MS4A4A: variants seen among roughly 807,000 people sequenced by gnomAD.
MS4A4A encodes the protein membrane spanning 4-domains A4A, also known as membrane-spanning 4-domains subfamily A member 4A.
A neutral mutation model predicts 28.0 loss-of-function variants in MS4A4A; 26 were observed. The observed-to-expected ratio is 0.93, with a 90% CI of 0.68 to 1.29. MS4A4A has a LOEUF of 1.29. Ranked by LOEUF, MS4A4A falls within the 50% of genes most tolerant of loss-of-function variation. The pLI, the probability that MS4A4A is intolerant of heterozygous loss-of-function variation, is 0.00. For synonymous variants in MS4A4A, 86 were observed against 100.8 expected, an observed-to-expected ratio of 0.85 and a Z score of 0.88; for missense variants, 290 against 293.1, an observed-to-expected ratio of 0.99 and a Z score of 0.08.
chr11:60,306,179 T>G lies in MS4A4A; in HGVS notation c.626T>G (p.Val209Gly). ...TCCCTCTCTGCCTTTGGATGTAAAG[T>G]GCTCTGTTGTACCCCTGGTGGGGTG... ...AVSLSAFGCK[V>G]LCCTPGGVVL... Residue 209 changes from valine to glycine, a missense_variant, in exon 6 of 7, where the codon GTG (valine) becomes GGG (glycine). Transcript: ENST00000337908. 6.2e-7 allele frequency: 1 copy of G among 1,613,958 alleles called. No individual in the cohort carries two copies. The highest frequency in any genetic ancestry group is 8.5e-7 in the Non-Finnish European group (1 of 1,179,776).
At chr11:60,293,246 C>A (rs923606492) in intron 2 of MS4A4A, among the ~76,000 whole-genome samples, 1 of 152,012 alleles carries the variant, frequency 6.6e-6, no homozygotes, top group East Asian at 1.9e-4. Flanking sequence ...TTAGTAGAGA[C>A]GGGGTTTCAG....
intron 3 of MS4A4A, among the ~76,000 whole-genome samples, chr11:60,298,443 C>G (rs941785214): frequency 9.2e-5 from 14 of 152,186 alleles, no homozygotes; most frequent in African/African-American, 3.4e-4. Context: ...ATGCCAATAA[C>G]AGCTCTTATT....
In MS4A4A at chr11:60,302,701, C is replaced by G. The variant is rs1342685455; in HGVS notation, c.530C>G (p.Thr177Ser). 1.2e-6 allele frequency: 2 copies of G among 1,613,780 alleles called. No individual in the cohort carries two copies. The highest frequency in any genetic ancestry group is 1.7e-6 in the Non-Finnish European group (2 of 1,179,688). The change falls in exon 5 of 7, where the codon ACT (threonine) becomes AGT (serine). Residue 177 changes from threonine to serine, a missense_variant. Physicochemically the swap from Thr to Ser is moderately conservative, Grantham distance 58 (BLOSUM62 1). Coordinates refer to ENST00000337908, the MANE Select transcript of MS4A4A (RefSeq NM_148975.3). ...YYGNSNNCHG[T>S]MSILMGLDGM... Reference sequence around the variant, plus strand: ...GGCAACTCAAATAATTGTCATGGGACTATGTCCATCTTAATGGTTGGTACT... The same window carrying G: ...GGCAACTCAAATAATTGTCATGGGAGTATGTCCATCTTAATGGTTGGTACT...
rs760648433 is a variant in MS4A4A at position 60,300,615 on chromosome 11, C to CAAAAAAAAAA, written c.331-367_331-358dup. 4.7e-3 allele frequency among the ~76,000 whole-genome samples: 169 copies of CAAAAAAAAAA among 35,954 alleles called. 4 individuals carry two copies. The highest frequency in any genetic ancestry group is 7.1e-3 in the African/African-American group (68 of 9,542). 23.6% of individuals were successfully genotyped at this position (35,954 alleles called of 152,430 possible). On this transcript the variant is annotated intron_variant, in intron 3 of 6. Coordinates refer to ENST00000337908, the MANE Select transcript of MS4A4A (RefSeq NM_148975.3). ...TGGGCGACAGAGCGAGACTCCGTCT[C>CAAAAAAAAAA]AAAAAAAAAAAAAAAAAAAAAAAAA... is the stretch of plus-strand genomic sequence containing the variant.
chr11:60,292,494 A>G, intron 2 of MS4A4A, 110 bp downstream of exon 2: 3 of 1,107,080 alleles, frequency 2.7e-6, no homozygotes, highest in Middle Eastern at 2.1e-4. Context: ...GCCAACCCTC[A>G]CGACGTCAGT....
At chr11:60,304,822 C>T (rs1382067522) in intron 5 of MS4A4A, among the ~76,000 whole-genome samples, 1 of 152,230 alleles carries the variant, frequency 6.6e-6, no homozygotes, top group Non-Finnish European at 1.5e-5. Context: ...TTCTAGTCTA[C>T]ACTTCTAGAT....
rs148342788 is a variant in MS4A4A at position 60,281,090 on chromosome 11, T to G, written c.41+374T>G. Among the ~76,000 whole-genome samples, 44 of 152,328 alleles carry G rather than the reference T, an allele frequency of 2.9e-4. No individual in the cohort carries two copies. The East Asian group carries it at 7.9e-3, about 27-fold the overall frequency. ...CCCTTCTTCTGTGGTCTTTATTCTC[T>G]GTGTCTGACTGGTTATTTTTATAAC... is the stretch of plus-strand genomic sequence containing the variant. On this transcript the variant is annotated intron_variant, in intron 1 of 6. Transcript: ENST00000337908.
intron 1 of MS4A4A, among the ~76,000 whole-genome samples, chr11:60,288,000 T>G (rs1157565099): frequency 6.6e-6 from 1 of 152,204 alleles, no homozygotes; most frequent in Non-Finnish European, 1.5e-5. Context: ...CTGGGCTCAG[T>G]CCATGCTTCA....
intron 2 of MS4A4A, among the ~76,000 whole-genome samples, chr11:60,293,259 T>C (rs1184945906): frequency 6.6e-6 from 1 of 152,170 alleles, no homozygotes; most frequent in Non-Finnish European, 1.5e-5. Context: ...GGTTTCAGCA[T>C]GTTGGTCAGG....
chr11:60,302,874 T>C (rs1459727510), intron 5 of MS4A4A, among the ~76,000 whole-genome samples, 157 bp downstream of exon 5: 1 of 152,218 alleles, frequency 6.6e-6, no homozygotes, highest in African/African-American at 2.4e-5. Flanking sequence ...AGGAGTTAGG[T>C]ACATGTCTCA....
rs117023066 is a variant in MS4A4A, at chr11:60,289,071, G to A, written c.42-3154G>A. On this transcript the variant is annotated intron_variant, in intron 1 of 6. Coordinates refer to ENST00000337908, the MANE Select transcript of MS4A4A (RefSeq NM_148975.3). ...TGGCTCAGGTATGGCTACCAGGTGTGTGTGGTGTAGTGGTGGTTAAGCCTC... is the reference window on the plus strand; with the variant it reads ...TGGCTCAGGTATGGCTACCAGGTGTATGTGGTGTAGTGGTGGTTAAGCCTC... 1.4e-3 allele frequency among the ~76,000 whole-genome samples: 209 copies of A among 152,290 alleles called. 3 individuals are homozygous for A. In the East Asian group the frequency reaches 0.026, roughly 19 times the overall value.
At chr11:60,293,143 C>T (rs1175944122) in intron 2 of MS4A4A, among the ~76,000 whole-genome samples, 1 of 152,088 alleles carries the variant, frequency 6.6e-6, no homozygotes, top group African/African-American at 2.4e-5. Flanking sequence ...CTGCAACCTC[C>T]GTCTTCCGGG....
At chr11:60,300,600 A>G (rs1157269495) in intron 3 of MS4A4A, among the ~76,000 whole-genome samples, 4 of 133,582 alleles carry the variant, frequency 3.0e-5, no homozygotes, top group African/African-American at 1.2e-4. Flanking sequence ...TGGGCGACAG[A>G]GCGAGACTCC....
chr11:60,307,298 C>T (rs2085011745), intron 6 of MS4A4A, among the ~76,000 whole-genome samples: 1 of 152,172 alleles, frequency 6.6e-6, no homozygotes, highest in Non-Finnish European at 1.5e-5. Flanking sequence ...TCCCACTCCC[C>T]CACAGCCCTT....
intron 1 of MS4A4A, among the ~76,000 whole-genome samples, chr11:60,286,222 G>C (rs567612292): frequency 6.6e-6 from 1 of 152,244 alleles, no homozygotes; most frequent in Admixed American, 6.5e-5. Context: ...CTTTTTCAGG[G>C]TGCCCAGATT....
intron 5 of MS4A4A, among the ~76,000 whole-genome samples, chr11:60,304,156 T>G (rs1025970285): frequency 2.0e-5 from 3 of 152,180 alleles, no homozygotes; most frequent in African/African-American, 7.2e-5. Context: ...AATTCCCCTA[T>G]TATTTGCTAT....
chr11:60,292,385 G>A lies in MS4A4A; in HGVS notation c.201+1G>A. 1.3e-6 allele frequency: 2 copies of A among 1,587,548 alleles called. No homozygotes were observed. Among genetic ancestry groups the A allele is most frequent in the Non-Finnish European group, 1.7e-6 (2 of 1,169,368 alleles). ...GAAGGGAGAACCCAAAGTCCTTGGG[G>A]TAAGTTGCAAATCTAGGGGAAGACC... On this transcript the variant is annotated splice_donor_variant, in intron 2 of 6. Coordinates refer to ENST00000337908, the MANE Select transcript of MS4A4A (RefSeq NM_148975.3). LOFTEE classifies it high-confidence loss of function.
intron 3 of MS4A4A, among the ~76,000 whole-genome samples, chr11:60,298,145 T>C (rs1321968525): frequency 6.6e-6 from 1 of 152,008 alleles, no homozygotes; most frequent in Non-Finnish European, 1.5e-5. Context: ...ATAGTTTTAA[T>C]GCAAATTGAG....
chr11:60,305,713 G>A (rs187570207), intron 5 of MS4A4A: 2 of 161,544 alleles, frequency 1.2e-5, no homozygotes, highest in African/African-American at 4.8e-5. Context: ...TCCAGAAGCT[G>A]AGGATTAGAT....
Sources: gnomAD v4.1 joint callset for allele counts (sites outside exome capture counted in the v4.1 genomes callset) on GRCh38, gnomAD v4.1.1 for gene constraint, MANE v1.5 for transcripts, NCBI Gene and HGNC (gene_info 2026-07-23, HGNC 2026-07-21) for gene names.